Variants in SLC46A2 observed in about 807,000 individuals in gnomAD.
SLC46A2 encodes the protein thymic stromal co-transporter.
A neutral mutation model predicts 33.1 loss-of-function variants in SLC46A2; 25 were observed. That is an observed-to-expected ratio of 0.76 (90% CI 0.55 to 1.06). SLC46A2 has a LOEUF of 1.06. Ranked by LOEUF, SLC46A2 falls within the 50% of genes least tolerant of loss-of-function variation. The probability of loss-of-function intolerance (pLI) is 0.00; values close to 1 mark genes in which losing one functional copy is unlikely to be tolerated. For synonymous variants in SLC46A2, 254 were observed against 275.9 expected, an observed-to-expected ratio of 0.92 and a Z score of 0.79; for missense variants, 622 against 621.7, an observed-to-expected ratio of 1.00 and a Z score of 0.00.
chr9:112,881,791 A>T (rs1373449594), intron 3 of SLC46A2: 1 of 152,248 alleles, frequency 6.6e-6, no homozygotes, highest in Non-Finnish European at 1.5e-5. Flanking sequence ...TAAACAGCTA[A>T]TCATGAAATC....
At position 112,890,573 on chromosome 9, in the gene SLC46A2, C is replaced by G; in HGVS notation, c.109G>C (p.Asp37His). Residue 37 changes from aspartate (D) to histidine (H), a missense_variant, in exon 1 of 4, where the codon GAT becomes CAT. Transcript: ENST00000374228. This position sits in a 1 kb window ranked among gnomAD's most constrained non-coding sequence, Gnocchi z 6.0. ...TTCACCACGAGGAGTAGCCCCGCAT[C>G]GTAGAGGGAGGCAGCCACCTGGGAC... is the stretch of plus-strand genomic sequence containing the variant. ...ASSQVAASLY[D>H]AGLLLVVKAS... The G allele has an allele frequency of 1.9e-6, 3 of 1,612,694 alleles. 1 individual carries two copies. The highest frequency in any genetic ancestry group is 2.2e-5 in the South Asian group (2 of 91,078).
At chr9:112,885,777 CTT>C (rs1307424237) in intron 3 of SLC46A2, 3 of 152,162 alleles carry the variant, frequency 2.0e-5, no homozygotes, top group South Asian at 4.1e-4. Flanking sequence ...TCACTTTTCT[CTT>C]TTTAAAATGT....
chr9:112,882,734 G>A lies in SLC46A2; in HGVS notation c.1371-2915C>T, dbSNP rs547693468. 6.6e-5 allele frequency among the ~76,000 whole-genome samples: 10 copies of A among 152,184 alleles called. No homozygotes were observed. In the South Asian group the frequency reaches 1.0e-3, roughly 16 times the overall value. ...GTTTCTACCCTCGGTGGGTGGTGCC[G>A]CCGTTTAATGAGATCATGAGATTGG... is the stretch of plus-strand genomic sequence containing the variant. On this transcript the variant is annotated intron_variant, in intron 3 of 3. Transcript: ENST00000374228.
At chr9:112,886,016 G>A (rs1277659706) in intron 3 of SLC46A2, among the ~76,000 whole-genome samples, 3 of 152,292 alleles carry the variant, frequency 2.0e-5, no homozygotes, top group South Asian at 2.1e-4. Flanking sequence ...ACAGTCCAGC[G>A]GCTGGGAGAT....
rs1465311623 is a variant in SLC46A2, at chr9:112,881,974, G to A, written c.1371-2155C>T. 2.6e-5 allele frequency among the ~76,000 whole-genome samples: 4 copies of A among 152,306 alleles called. No homozygotes were observed. The East Asian group carries it at 7.7e-4, about 29-fold the overall frequency. ...TTGTGGATGGAGAAGGGAGAAGAGT[G>A]GGAGGGGAGGCGACTGTGGCTGAGG... On this transcript the variant is annotated intron_variant, in intron 3 of 3. Coordinates refer to ENST00000374228, the MANE Select transcript of SLC46A2 (RefSeq NM_033051.4).
rs1423434735 is a variant in SLC46A2, at chr9:112,889,811, T to C, written c.871A>G (p.Ile291Val). 4.3e-6 allele frequency: 7 copies of C among 1,614,168 alleles called. No individual in the cohort carries two copies. Among genetic ancestry groups the C allele is most frequent in the Non-Finnish European group, 5.1e-6 (6 of 1,180,032 alleles). Residue 291 changes from isoleucine to valine, a missense_variant, in exon 1 of 4, where the codon ATC (isoleucine) becomes GTC (valine). Physicochemically the swap from Ile to Val is conservative, Grantham distance 29. Transcript: ENST00000374228. ...TTIALLFVGA[I>V]IYDLAVVGTV... ...CCCACCACCGCCAGGTCATATATGA[T>C]AGCACCCACAAAGAGCAAGGCAATG... is the stretch of plus-strand genomic sequence containing the variant.
intron 3 of SLC46A2, 39 bp downstream of exon 3, chr9:112,886,421 G>A: frequency 6.2e-7 from 1 of 1,610,988 alleles, no homozygotes; most frequent in East Asian, 2.2e-5. Context: ...CTAAGCATCA[G>A]GGTCCCAGCC....
intron 1 of SLC46A2, 100 bp from the exon 2 acceptor site, chr9:112,887,513 C>A: frequency 6.5e-6 from 7 of 1,074,516 alleles, no homozygotes; most frequent in Non-Finnish European, 9.2e-6. Flanking sequence ...TCCCCACAAT[C>A]CGAATGTGGC....
In SLC46A2 at chr9:112,879,817, A is replaced by G; in HGVS notation, c.1373T>C (p.Ile458Thr). The G allele has an allele frequency of 1.9e-6, 3 of 1,612,876 alleles. No individual in the cohort carries two copies. Among genetic ancestry groups the G allele is most frequent in the Non-Finnish European group, 2.5e-6 (3 of 1,179,064 alleles). ...LSFLAIIPIS[I>T]VAYKQVPLSP... is the part of the protein sequence containing the mutation. ...CAATGGGACTTGTTTATAGGCCACG[A>G]TGCTGTAAGAATTGACCATAGAGAG... Residue 458 changes from isoleucine to threonine, a missense_variant and splice_region_variant, in exon 4 of 4, where the codon ATC becomes ACC. By Grantham distance (89) the Ile-to-Thr change is moderately conservative (BLOSUM62 -1). Transcript: ENST00000374228.
intron 3 of SLC46A2, among the ~76,000 whole-genome samples, chr9:112,882,813 G>T (rs539751949): frequency 6.6e-6 from 1 of 152,232 alleles, no homozygotes; most frequent in Admixed American, 6.5e-5. Flanking sequence ...TATTTTGGAA[G>T]TTTAAATGGT....
In SLC46A2 at chr9:112,889,596, G is replaced by C. The variant is rs1841695993; in HGVS notation, c.1086C>G (p.Ala362=). 6.2e-7 allele frequency: 1 copy of C among 1,613,650 alleles called. No individual in the cohort carries two copies. Among genetic ancestry groups the C allele is most frequent in the African/African-American group, 1.3e-5 (1 of 74,824 alleles). The change falls in exon 1 of 4, where the codon GCC becomes GCG. Residue 362 remains alanine (A), a synonymous_variant. Coordinates refer to ENST00000374228, the MANE Select transcript of SLC46A2 (RefSeq NM_033051.4). The part of the protein sequence containing the change: ...MIGMVSFGSG[A]LLLAFVKETY... ...TCTCTTTCACAAAAGCCAAGAGGAG[G>C]GCTCCTGACCCAAAGGAGACCATCC...
At chr9:112,883,641 CAG>C (rs1004670647) in intron 3 of SLC46A2, among the ~76,000 whole-genome samples, 4 of 150,564 alleles carry the variant, frequency 2.7e-5, no homozygotes, top group African/African-American at 7.3e-5. Context: ...CTGGAGAAGA[CAG>C]GGAGATTCTG....
Position 112,886,686 on chromosome 9 carries a change from C to A in SLC46A2, c.1214-70G>T. On this transcript the variant is annotated intron_variant, in intron 2 of 3. Transcript: ENST00000374228. ...GCCTCACTCCCCATTAGCTGAGTCT[C>A]TGGAGAGTTCTTAGGGGACCCTTCC... The A allele has an allele frequency of 1.9e-6, 3 of 1,546,652 alleles. No homozygotes were observed. The Admixed American group carries it at 5.1e-5, about 26-fold the overall frequency.
rs1841710358 is a variant in SLC46A2 at position 112,890,219 on chromosome 9, C to A, written c.463G>T (p.Gly155Trp). Residue 155 changes from glycine (G) to tryptophan (W), a missense_variant, in exon 1 of 4, where the codon GGG (glycine) becomes TGG (tryptophan). Coordinates refer to ENST00000374228, the MANE Select transcript of SLC46A2 (RefSeq NM_033051.4). The surrounding 1 kb of genome is among the most constrained non-coding windows in gnomAD (Gnocchi z 6.0). Reference protein sequence around the residue: ...LFGGFSAFWSGVMALGSLGSS... With the variant: ...LFGGFSAFWSWVMALGSLGSS... Reference sequence around the variant, plus strand: ...CCCAGCGATCCCAGCGCCATGACCCCGGACCAGAAGGCGGAGAAGCCGCCG... The same window carrying A: ...CCCAGCGATCCCAGCGCCATGACCCAGGACCAGAAGGCGGAGAAGCCGCCG... 6.2e-7 allele frequency: 1 copy of A among 1,612,998 alleles called. No homozygotes were observed. The highest frequency in any genetic ancestry group is 1.1e-5 in the South Asian group (1 of 91,084).
chr9:112,886,177 A>T (rs10817402), intron 3 of SLC46A2, among the ~76,000 whole-genome samples: 1 of 152,016 alleles, frequency 6.6e-6, no homozygotes, highest in Non-Finnish European at 1.5e-5. Flanking sequence ...ATTATAAGGA[A>T]GTATACGGAA....
chr9:112,886,463 A>G lies in SLC46A2; in HGVS notation c.1367T>C (p.Ile456Thr), dbSNP rs754255674. The G allele has an allele frequency of 1.2e-6, 2 of 1,613,994 alleles. No homozygotes were observed. The highest frequency in any genetic ancestry group is 3.3e-5 in the Admixed American group (2 of 60,010). ...SFLSFLAIIP[I>T]SIVAYKQVPL... ...GCAGATGCTGCTCCCATCCTACCTA[A>G]TTGGAATGATGGCCAGGAAGGAGAG... Residue 456 changes from isoleucine (I) to threonine (T), a missense_variant, in exon 3 of 4, where the codon ATT becomes ACT. Ile to Thr is a moderately conservative substitution (Grantham distance 89). Transcript: ENST00000374228.
chr9:112,889,180 C>G (rs192005363), intron 1 of SLC46A2, among the ~76,000 whole-genome samples: 145 of 152,272 alleles, frequency 9.5e-4, no homozygotes, highest in African/African-American at 3.4e-3. Flanking sequence ...AGAGCCTCTG[C>G]GCTCGGCCTT....
chr9:112,887,380 A>T lies in SLC46A2; in HGVS notation c.1163T>A (p.Val388Asp). ...RAVMLFALIP[V>D]TTIRSAMSKL... The stretch of plus-strand genomic sequence containing the variant: ...GGACATAGCTGATCGGATGGTTGTG[A>T]CGGGGATGAGAGCAAACAGCATGAC... The change falls in exon 2 of 4, where the codon GTC (valine) becomes GAC (aspartate). Residue 388 changes from valine to aspartate, a missense_variant. Transcript: ENST00000374228. 6.2e-7 allele frequency: 1 copy of T among 1,611,912 alleles called. No individual in the cohort carries two copies.
chr9:112,889,478 C>CCAGCT, intron 1 of SLC46A2, 75 bp downstream of exon 1: 1 of 1,496,706 alleles, frequency 6.7e-7, no homozygotes, highest in East Asian at 2.3e-5. Flanking sequence ...ACACCCAGAC[C>CCAGCT]ATGGCATCCC....
Sources: allele counts gnomAD v4.1 joint callset (sites outside exome capture counted in the v4.1 genomes callset), GRCh38; gene constraint gnomAD v4.1.1; non-coding constraint Gnocchi (gnomAD v3.1); transcripts MANE v1.5; gene names NCBI Gene and HGNC (gene_info 2026-07-23, HGNC 2026-07-21).